Variants in FAM13B observed in about 807,000 individuals in gnomAD.
The protein encoded by FAM13B is family with sequence similarity 13 member B.
In FAM13B, 60 loss-of-function variants were observed where a neutral mutation model predicts 117.3. The ratio of observed to expected loss-of-function variants is 0.51; its 90% confidence interval spans 0.42 to 0.63. FAM13B has a LOEUF of 0.63. Ranked by LOEUF, FAM13B falls within the 30% of genes least tolerant of loss-of-function variation. FAM13B has a pLI of 0.00. For synonymous variants in FAM13B, 332 were observed against 356.1 expected, an observed-to-expected ratio of 0.93 and a Z score of 0.76; for missense variants, 972 against 1,091.9, an observed-to-expected ratio of 0.89 and a Z score of 1.55.
intron 19 of FAM13B, 55 bp downstream of exon 19, chr5:137,946,173 T>C: frequency 6.8e-7 from 1 of 1,472,046 alleles, no homozygotes; most frequent in Non-Finnish European, 9.3e-7. Context: ...ACAAAATTGA[T>C]TCATGTTCTT....
chr5:137,971,499 A>G (rs1331325327), intron 10 of FAM13B, among the ~76,000 whole-genome samples: 16 of 147,516 alleles, frequency 1.1e-4, no homozygotes, highest in Non-Finnish European at 4.5e-5. Context: ...AATGTCCACA[A>G]GAGAAAGCAG....
At chr5:138,039,432 G>C (rs2151124709) in intron 1 of FAM13B, 1 of 152,062 alleles carries the variant, frequency 6.6e-6, no homozygotes, top group East Asian at 1.9e-4. Flanking sequence ...CCTATCATTT[G>C]ACCAGCCAAG....
chr5:137,960,770 T>C (rs932121938), intron 11 of FAM13B, among the ~76,000 whole-genome samples: 2 of 152,168 alleles, frequency 1.3e-5, no homozygotes, highest in African/African-American at 4.8e-5. Context: ...TTTAAAAAAT[T>C]TCAGTCCACC....
At chr5:138,041,346 C>G (rs1791496455) in intron 1 of FAM13B, among the ~76,000 whole-genome samples, 1 of 152,040 alleles carries the variant, frequency 6.6e-6, no homozygotes, top group African/African-American at 2.4e-5. Context: ...TTAACATATA[C>G]TATTGTGAGA....
chr5:137,967,827 A>C (rs182672345), intron 10 of FAM13B, among the ~76,000 whole-genome samples: 1 of 152,282 alleles, frequency 6.6e-6, no homozygotes, highest in Non-Finnish European at 1.5e-5. Context: ...TGGGAGGCTG[A>C]GATTGCAGTG....
At chr5:137,948,799 C>T (rs1268159885) in intron 18 of FAM13B, among the ~76,000 whole-genome samples, 156 bp downstream of exon 18, 1 of 152,156 alleles carries the variant, frequency 6.6e-6, no homozygotes. Context: ...TTTGGCACTT[C>T]TGTTATGCTG....
rs539318584 is a variant in FAM13B, at chr5:137,967,253, C to T, written c.1180-4784G>A. Among the ~76,000 whole-genome samples, 68 of 152,234 alleles carry T rather than the reference C, an allele frequency of 4.5e-4. 1 individual carries two copies. The highest frequency in any genetic ancestry group is 2.1e-4 in the South Asian group (1 of 4,822). ...AATAAATAAAAAATATGGCCAGGCA[C>T]GGTGGCTTATGCCTGTAATCCCAGC... On this transcript the variant is annotated intron_variant, in intron 10 of 23. Coordinates refer to ENST00000689681, the MANE Select transcript of FAM13B (RefSeq NM_001385994.1).
chr5:138,011,193 T>C (rs892177988), intron 5 of FAM13B, 44 bp from the exon 6 acceptor site: 1 of 1,559,840 alleles, frequency 6.4e-7, no homozygotes, highest in Non-Finnish European at 8.7e-7. Context: ...CTTAAATCAA[T>C]CACAGGTAAA....
upstream of FAM13B, among the ~76,000 whole-genome samples, chr5:138,037,652 C>T (rs1456322689): frequency 1.3e-5 from 2 of 152,134 alleles, no homozygotes; most frequent in Admixed American, 1.3e-4. Context: ...CTTGCACCAT[C>T]AGTAAGGAAA....
At chr5:138,004,138 G>A (rs1781947107) in intron 7 of FAM13B, among the ~76,000 whole-genome samples, 1 of 151,922 alleles carries the variant, frequency 6.6e-6, no homozygotes, top group East Asian at 1.9e-4. Context: ...CCACGGTGGT[G>A]CGGGCCTGTA....
At chr5:138,006,967 A>T (rs1782714469) in intron 7 of FAM13B, 23 bp downstream of exon 7, 1 of 1,579,282 alleles carries the variant, frequency 6.3e-7, no homozygotes, top group African/African-American at 1.4e-5. Context: ...CAAAAGCTAA[A>T]GTTCATTCAA....
At chr5:138,006,052 C>A (rs1395892325) in intron 7 of FAM13B, among the ~76,000 whole-genome samples, 1 of 152,088 alleles carries the variant, frequency 6.6e-6, no homozygotes, top group Non-Finnish European at 1.5e-5. Context: ...GCGCGCGCCA[C>A]CATGCCCGGC....
intron 7 of FAM13B, among the ~76,000 whole-genome samples, chr5:138,005,506 AAAC>A (rs1322367854): frequency 1.3e-5 from 2 of 152,062 alleles, no homozygotes; most frequent in African/African-American, 4.8e-5. Flanking sequence ...AAGCTAGCTG[AAAC>A]AACTCAAAAT....
At chr5:137,958,690 C>T (rs753141693) in intron 13 of FAM13B, among the ~76,000 whole-genome samples, 20 of 152,208 alleles carry the variant, frequency 1.3e-4, no homozygotes, top group Non-Finnish European at 2.2e-4. Context: ...TCCAGAAAAA[C>T]TCCTAGATCC....
upstream of FAM13B, chr5:138,052,013 A>T (rs1351985798): frequency 3.3e-5 from 5 of 152,152 alleles, no homozygotes; most frequent in Admixed American, 3.3e-4. Context: ...GCTGCCTATT[A>T]TCTGTGTCCT....
At chr5:137,954,041 CTTTTTTTTT>C (rs369548946) in intron 15 of FAM13B, 116 bp downstream of exon 15, 3 of 388,206 alleles carry the variant, frequency 7.7e-6, no homozygotes, top group African/African-American at 2.5e-5. Flanking sequence ...CAATCTCTCT[CTTTTTTTTT>C]TTTTTTTTTT....
At chr5:137,954,619 A>ATTT in intron 14 of FAM13B, 1 of 170,610 alleles carries the variant, frequency 5.9e-6, no homozygotes, top group Non-Finnish European at 1.2e-5. Context: ...CCAGAGTTCA[A>ATTT]TTTTTTTTTT....
Position 137,940,204 on chromosome 5 carries a change from T to C in FAM13B, c.*21A>G. 1 of 1,613,932 alleles carries C rather than the reference T, an allele frequency of 6.2e-7. No individual in the cohort carries two copies. The highest frequency in any genetic ancestry group is 8.5e-7 in the Non-Finnish European group (1 of 1,179,870). On this transcript the variant is annotated 3_prime_UTR_variant, in exon 24 of 24. Transcript: ENST00000689681. Reference sequence around the variant, plus strand: ...AAGGAATACAACTGACTTTATGATATGAATTTTCAAGGAACGTATCTTATA... The same window carrying C: ...AAGGAATACAACTGACTTTATGATACGAATTTTCAAGGAACGTATCTTATA...
At chr5:138,035,721 A>C (rs912526438), upstream of FAM13B, among the ~76,000 whole-genome samples, 2 of 152,204 alleles carry the variant, frequency 1.3e-5, no homozygotes, top group South Asian at 4.1e-4. Context: ...AGAGGGGACC[A>C]TAGTCATCTT....
Sources: allele counts gnomAD v4.1 joint callset (sites outside exome capture counted in the v4.1 genomes callset), GRCh38; gene constraint gnomAD v4.1.1; transcripts MANE v1.5; gene names NCBI Gene and HGNC (gene_info 2026-07-23, HGNC 2026-07-21).